Variants in CNOT8 observed in about 807,000 individuals in gnomAD.
CNOT8 encodes CAF1-like protein.
CNOT8 carries 18 observed loss-of-function variants against 34.6 expected under a neutral mutation model. The ratio of observed to expected loss-of-function variants is 0.52; its 90% confidence interval spans 0.36 to 0.77. CNOT8 has a LOEUF of 0.77. Among genes scored for constraint, CNOT8 ranks in the 30% least tolerant of loss-of-function variants. The pLI is 0.00. For missense variants in CNOT8, 189 were observed against 347.9 expected (o/e 0.54, Z 3.63); for synonymous variants, 101 against 118.8 (o/e 0.85, Z 0.98).
At chr5:154,865,008 C>T (rs1054105390) in intron 2 of CNOT8, among the ~76,000 whole-genome samples, 184 bp from the exon 3 acceptor site, 2 of 152,096 alleles carry the variant, frequency 1.3e-5, no homozygotes, top group Non-Finnish European at 2.9e-5. Context: ...TGCCACTGCC[C>T]TCCAGCCTGG....
chr5:154,870,577 A>T, intron 3 of CNOT8, 84 bp from the exon 4 acceptor site: 1 of 1,021,942 alleles, frequency 9.8e-7, no homozygotes, highest in Non-Finnish European at 1.4e-6. Flanking sequence ...TACTTGTACT[A>T]TAATTATAAG....
chr5:154,866,391 C>T (rs1264046139), intron 3 of CNOT8, among the ~76,000 whole-genome samples: 1 of 152,172 alleles, frequency 6.6e-6, no homozygotes, highest in African/African-American at 2.4e-5. Context: ...CAGGTGGAGC[C>T]ATTGTTCCTG....
intron 1 of CNOT8, 169 bp downstream of exon 1, chr5:154,858,937 G>T (rs1005929677): frequency 2.0e-5 from 3 of 152,192 alleles, no homozygotes; most frequent in Non-Finnish European, 2.9e-5. Flanking sequence ...ACCGTCACAC[G>T]ATAATATTCG....
At chr5:154,864,776 G>A (rs1761703432) in intron 2 of CNOT8, among the ~76,000 whole-genome samples, 1 of 152,166 alleles carries the variant, frequency 6.6e-6, no homozygotes, top group African/African-American at 2.4e-5. Flanking sequence ...GATTTTGGCT[G>A]GGTGTGTTGG....
chr5:154,861,498 G>A (rs546506948), intron 1 of CNOT8, among the ~76,000 whole-genome samples: 6 of 152,218 alleles, frequency 3.9e-5, no homozygotes, highest in Non-Finnish European at 5.9e-5. Context: ...TTTTGCTCCA[G>A]ATTCTCATTG....
At chr5:154,866,672 AG>A (rs1469987367) in intron 3 of CNOT8, among the ~76,000 whole-genome samples, 7 of 152,164 alleles carry the variant, frequency 4.6e-5, no homozygotes, top group African/African-American at 1.7e-4. Flanking sequence ...TGGGAGGCCG[AG>A]GTGGGTGGAT....
In CNOT8 at chr5:154,867,298, A is replaced by AT. The variant is rs1761985253; in HGVS notation, c.311+1914dup. On this transcript the variant is annotated intron_variant, in intron 3 of 6. Coordinates refer to ENST00000285896, the MANE Select transcript of CNOT8 (RefSeq NM_001301073.2). ...AAGGGATGTAGGTGTGTATGTGTAG[A>AT]TAGAGAAAATAGTCTGGAAAGATCT... is the stretch of plus-strand genomic sequence containing the variant. Among the ~76,000 whole-genome samples the AT allele has an allele frequency of 2.0e-5, 3 of 152,238 alleles. No homozygotes were observed. In the South Asian group the frequency reaches 6.2e-4, roughly 31 times the overall value.
chr5:154,869,703 C>A (rs1180173148), intron 3 of CNOT8, among the ~76,000 whole-genome samples: 4 of 150,048 alleles, frequency 2.7e-5, no homozygotes, highest in Non-Finnish European at 5.9e-5. Flanking sequence ...TGGCTCACTA[C>A]AACCTCTGCC....
intron 3 of CNOT8, among the ~76,000 whole-genome samples, chr5:154,869,026 C>CT (rs1299277104): frequency 3.3e-5 from 5 of 152,194 alleles, no homozygotes; most frequent in African/African-American, 1.2e-4. Flanking sequence ...GTGGCGGTGT[C>CT]TGAGTCTGAG....
intron 1 of CNOT8, among the ~76,000 whole-genome samples, chr5:154,861,704 TTTG>T (rs1190171053): frequency 1.3e-5 from 2 of 152,168 alleles, no homozygotes; most frequent in Non-Finnish European, 2.9e-5. Flanking sequence ...TTTTTGTTTG[TTTG>T]TTTGTTTTTG....
chr5:154,867,367 T>C (rs1761993950), intron 3 of CNOT8, among the ~76,000 whole-genome samples: 2 of 152,208 alleles, frequency 1.3e-5, no homozygotes, highest in Non-Finnish European at 2.9e-5. Flanking sequence ...TATACGACCA[T>C]TAATTTTTTC....
At chr5:154,860,972 A>C (rs1761281707) in intron 1 of CNOT8, among the ~76,000 whole-genome samples, 2 of 152,212 alleles carry the variant, frequency 1.3e-5, no homozygotes, top group African/African-American at 4.8e-5. Flanking sequence ...TCAAAAACTC[A>C]GGAGTGATAC....
At chr5:154,870,467 A>G (rs1000932917) in intron 3 of CNOT8, 194 bp from the exon 4 acceptor site, 7 of 443,688 alleles carry the variant, frequency 1.6e-5, no homozygotes, top group Admixed American at 4.1e-5. Flanking sequence ...GGAAAATCTC[A>G]TTTTTCTATC....
Position 154,872,664 on chromosome 5 carries a change from G to A in CNOT8, c.729+13G>A, listed in dbSNP as rs767509480. The A allele has an allele frequency of 6.4e-7, 1 of 1,559,830 alleles. No homozygotes were observed. The highest frequency in any genetic ancestry group is 8.8e-7 in the Non-Finnish European group (1 of 1,132,832). ...TAGGATGAAAGAGGTAAGCTTCCTTGAATGTGATCACAGGCCTCTCGGCAG... is the reference window on the plus strand; with the variant it reads ...TAGGATGAAAGAGGTAAGCTTCCTTAAATGTGATCACAGGCCTCTCGGCAG... On this transcript the variant is annotated intron_variant, in intron 6 of 6. Transcript: ENST00000285896.
chr5:154,863,193 G>A lies in CNOT8; in HGVS notation c.-72-14G>A. On this transcript the variant is annotated splice_polypyrimidine_tract_variant and intron_variant, in intron 1 of 6. Coordinates refer to ENST00000285896, the MANE Select transcript of CNOT8 (RefSeq NM_001301073.2). ...GTGTAAACTTACATGATTTTAAAAT[G>A]TTTTACAATCTAGATCAGACCAAAC... 2.3e-6 allele frequency: 2 copies of A among 865,108 alleles called. No individual in the cohort carries two copies. The highest frequency in any genetic ancestry group is 3.9e-6 in the Non-Finnish European group (2 of 512,246). The allele number at this position is 865,108 out of a possible 1,614,324, so 53.6% of individuals were successfully genotyped here. A position where few individuals can be genotyped will look rare whatever the true frequency, so the allele number is the denominator to read the frequency against.
chr5:154,869,339 G>A (rs1219152532), intron 3 of CNOT8, among the ~76,000 whole-genome samples: 4 of 150,594 alleles, frequency 2.7e-5, no homozygotes, highest in African/African-American at 7.3e-5. Flanking sequence ...GGCTGGTCTC[G>A]AACTCCCGAC....
At chr5:154,875,223 GATA>G (rs1762836944) in intron 6 of CNOT8, 64 bp from the exon 7 acceptor site, 1 of 1,553,786 alleles carries the variant, frequency 6.4e-7, no homozygotes, top group Non-Finnish European at 8.8e-7. Flanking sequence ...GGCCAGATGT[GATA>G]ATATTTATAC....
At chr5:154,865,871 A>T (rs1318960145) in intron 3 of CNOT8, among the ~76,000 whole-genome samples, 5 of 152,352 alleles carry the variant, frequency 3.3e-5, no homozygotes, top group East Asian at 1.9e-4. Flanking sequence ...ACTCCTAGGC[A>T]GTGGAAAATT....
At chr5:154,871,900 G>A (rs371488446) in intron 5 of CNOT8, 26 bp downstream of exon 5, 1 of 1,589,886 alleles carries the variant, frequency 6.3e-7, no homozygotes, top group East Asian at 2.2e-5. Flanking sequence ...CTTAATACCA[G>A]TAACAAAAAG....
Sources: gnomAD v4.1 joint callset for allele counts (sites outside exome capture counted in the v4.1 genomes callset) on GRCh38, gnomAD v4.1.1 for gene constraint, MANE v1.5 for transcripts, NCBI Gene and HGNC (gene_info 2026-07-23, HGNC 2026-07-21) for gene names.